PIK3C2G: variants seen among roughly 807,000 people sequenced by gnomAD.
The protein encoded by PIK3C2G is phosphatidylinositol-4-phosphate 3-kinase catalytic subunit type 2 gamma.
In PIK3C2G, 168 loss-of-function variants were observed where a neutral mutation model predicts 181.1. The observed-to-expected ratio is 0.93, with a 90% CI of 0.82 to 1.05. The LOEUF is 1.05. Ranked by LOEUF, PIK3C2G falls within the 50% of genes least tolerant of loss-of-function variation. PIK3C2G has a pLI of 0.00. For missense variants in PIK3C2G, 1,869 were observed against 1,732.8 expected, an observed-to-expected ratio of 1.08 and a Z score of -1.40; for synonymous variants, 573 against 592.2, an observed-to-expected ratio of 0.97 and a Z score of 0.47.
chr12:18,359,796 T>C (rs1437605464), intron 11 of PIK3C2G, among the ~76,000 whole-genome samples: 1 of 152,216 alleles, frequency 6.6e-6, no homozygotes, highest in African/African-American at 2.4e-5. Context: ...ACTGTTTGCA[T>C]AGAATAGCTA....
chr12:18,256,349 T>G (rs537401267), intron 1 of PIK3C2G, among the ~76,000 whole-genome samples: 1 of 152,224 alleles, frequency 6.6e-6, no homozygotes, highest in African/African-American at 2.4e-5. Flanking sequence ...ACCCAGGCAG[T>G]GTTGCTATGC....
At chr12:18,550,048 A>C (rs923743446) in intron 26 of PIK3C2G, among the ~76,000 whole-genome samples, 72 of 152,054 alleles carry the variant, frequency 4.7e-4, no homozygotes, top group African/African-American at 1.7e-3. Flanking sequence ...TTATTTTTAG[A>C]CATGATTTAA....
chr12:18,359,824 T>A (rs1429023454), intron 11 of PIK3C2G, among the ~76,000 whole-genome samples: 1 of 152,190 alleles, frequency 6.6e-6, no homozygotes, highest in Non-Finnish European at 1.5e-5. Flanking sequence ...CTTTCATTTT[T>A]GGCCTATTTG....
At chr12:18,568,926 A>T (rs886390921) in intron 29 of PIK3C2G, among the ~76,000 whole-genome samples, 4 of 152,080 alleles carry the variant, frequency 2.6e-5, no homozygotes, top group African/African-American at 9.7e-5. Flanking sequence ...ACTCAGAAAC[A>T]TCCACAAAAG....
At chr12:18,718,125 A>G in the PIK3C2G span, among the ~76,000 whole-genome samples, 4 of 152,172 alleles carry the variant, frequency 2.6e-5, no homozygotes, top group African/African-American at 9.7e-5. Context: ...AGCTAGGTGA[A>G]GCTATAATGT....
intron 31 of PIK3C2G, among the ~76,000 whole-genome samples, chr12:18,611,960 AG>A (rs1404731214): frequency 6.6e-6 from 1 of 152,116 alleles, no homozygotes; most frequent in African/African-American, 2.4e-5. Flanking sequence ...TGAGAATAAA[AG>A]TCAGATCCTG....
chr12:18,366,596 G>C (rs1479328689), intron 12 of PIK3C2G, among the ~76,000 whole-genome samples: 1 of 151,888 alleles, frequency 6.6e-6, no homozygotes, highest in African/African-American at 2.4e-5. Flanking sequence ...ACTCTCAGAA[G>C]CTTACTCTGG....
At chr12:18,652,811 TCTCCAGAG>T (rs1950573861), downstream of PIK3C2G, among the ~76,000 whole-genome samples, 1 of 152,118 alleles carries the variant, frequency 6.6e-6, no homozygotes, top group Non-Finnish European at 1.5e-5. Flanking sequence ...AATTATTATG[TCTCCAGAG>T]AGTAGTAACA....
chr12:18,720,656 A>G, the PIK3C2G span, among the ~76,000 whole-genome samples: 1 of 152,184 alleles, frequency 6.6e-6, no homozygotes, highest in South Asian at 2.1e-4. Flanking sequence ...CATTTCAACC[A>G]AAAAGAAAAG....
chr12:18,454,870 T>C (rs1284336159), intron 18 of PIK3C2G, among the ~76,000 whole-genome samples: 1 of 152,144 alleles, frequency 6.6e-6, no homozygotes, highest in Non-Finnish European at 1.5e-5. Context: ...ATAACTAAGT[T>C]TTATTCACTT....
the PIK3C2G span, among the ~76,000 whole-genome samples, chr12:18,679,035 C>T: frequency 1.5e-4 from 23 of 152,172 alleles, no homozygotes; most frequent in African/African-American, 4.6e-4. Flanking sequence ...GCAATACTAA[C>T]GATAACTCAT....
chr12:18,710,680 T>C, the PIK3C2G span, among the ~76,000 whole-genome samples: 1 of 152,036 alleles, frequency 6.6e-6, no homozygotes, highest in Non-Finnish European at 1.5e-5. Flanking sequence ...ACTACGACAG[T>C]GACAGTAAAA....
chr12:18,567,618 G>T (rs1277577661), intron 29 of PIK3C2G, among the ~76,000 whole-genome samples: 5 of 151,712 alleles, frequency 3.3e-5, no homozygotes, highest in Non-Finnish European at 7.4e-5. Context: ...CATTCCCGAT[G>T]CAATAATAAA....
At chr12:18,280,352 A>G (rs1216219786) in intron 1 of PIK3C2G, among the ~76,000 whole-genome samples, 1 of 152,026 alleles carries the variant, frequency 6.6e-6, no homozygotes, top group South Asian at 2.1e-4. Flanking sequence ...AGAAGTGTAA[A>G]CAGTAGAAAA....
At chr12:18,495,885 AT>A (rs1289268819) in intron 20 of PIK3C2G, among the ~76,000 whole-genome samples, 176 bp from the exon 21 acceptor site, 1 of 152,064 alleles carries the variant, frequency 6.6e-6, no homozygotes, top group Non-Finnish European at 1.5e-5. Context: ...GATGGACTAA[AT>A]TTTTTAAAAT....
At chr12:18,263,508 T>C (rs1948342327) in intron 1 of PIK3C2G, among the ~76,000 whole-genome samples, 1 of 152,176 alleles carries the variant, frequency 6.6e-6, no homozygotes, top group South Asian at 2.1e-4. Context: ...ACTTCCATTA[T>C]AAATGTGGCT....
intron 29 of PIK3C2G, among the ~76,000 whole-genome samples, chr12:18,593,067 C>T (rs564409584): frequency 2.2e-4 from 33 of 151,986 alleles, no homozygotes; most frequent in Non-Finnish European, 4.1e-4. Context: ...AGATGGTCAT[C>T]TTCTTCCTAT....
chr12:18,272,299 C>A (rs1162665900), intron 1 of PIK3C2G, among the ~76,000 whole-genome samples: 1 of 152,006 alleles, frequency 6.6e-6, no homozygotes, highest in Non-Finnish European at 1.5e-5. Context: ...ATTTCCTGGG[C>A]CTTGGTAATT....
intron 18 of PIK3C2G, among the ~76,000 whole-genome samples, chr12:18,466,055 G>T: frequency 6.6e-6 from 1 of 151,314 alleles, no homozygotes; most frequent in African/African-American, 2.4e-5. Context: ...GTGTGTATAT[G>T]TGTATTTATG....
Sources: gnomAD v4.1 joint callset for allele counts (sites outside exome capture counted in the v4.1 genomes callset) on GRCh38, gnomAD v4.1.1 for gene constraint, MANE v1.5 for transcripts, NCBI Gene and HGNC (gene_info 2026-07-23, HGNC 2026-07-21) for gene names.